ADAMTSL1: variants seen among roughly 807,000 people sequenced by gnomAD.
ADAMTSL1 encodes the protein ADAMTS like 1.
Under a neutral mutation model 201.8 loss-of-function variants are expected in ADAMTSL1, and 126 were observed. The ratio of observed to expected loss-of-function variants is 0.62; its 90% confidence interval spans 0.54 to 0.72. ADAMTSL1 has a LOEUF of 0.72. Ranked by LOEUF, ADAMTSL1 falls within the 30% of genes least tolerant of loss-of-function variation. The pLI is 0.00. For missense variants in ADAMTSL1, 2,679 were observed against 2,277.8 expected (o/e 1.18, Z -3.59); for synonymous variants, 1,121 against 903.4 (o/e 1.24, Z -4.32).
chr9:18,620,942 G>T (rs1216161496), intron 4 of ADAMTSL1, among the ~76,000 whole-genome samples: 1 of 152,108 alleles, frequency 6.6e-6, no homozygotes, highest in Non-Finnish European at 1.5e-5. Context: ...AAATAATTAT[G>T]TTTTTAAACC....
At chr9:18,699,254 A>C (rs529460551) in intron 13 of ADAMTSL1, among the ~76,000 whole-genome samples, 1 of 151,998 alleles carries the variant, frequency 6.6e-6, no homozygotes, top group South Asian at 2.1e-4. Context: ...CATGAGAAAA[A>C]GTCTGTTTGT....
chr9:18,249,278 A>C (rs887761012), intron 2 of ADAMTSL1, among the ~76,000 whole-genome samples: 1 of 152,234 alleles, frequency 6.6e-6, no homozygotes, highest in African/African-American at 2.4e-5. Context: ...TGCACATTCT[A>C]GACGTGTCAA....
chr9:17,977,317 A>T (rs745502916), intron 1 of ADAMTSL1, among the ~76,000 whole-genome samples: 1 of 152,116 alleles, frequency 6.6e-6, no homozygotes, highest in African/African-American at 2.4e-5. Flanking sequence ...TAGCTTTGGT[A>T]TCAGAGCAAT....
chr9:18,617,392 A>G (rs1006942891), intron 4 of ADAMTSL1, among the ~76,000 whole-genome samples: 1 of 152,072 alleles, frequency 6.6e-6, no homozygotes, highest in African/African-American at 2.4e-5. Flanking sequence ...TGTAAAGTGA[A>G]GGAAGAAACC....
intron 1 of ADAMTSL1, among the ~76,000 whole-genome samples, chr9:18,028,879 C>T (rs1325162162): frequency 1.3e-5 from 2 of 152,130 alleles, no homozygotes; most frequent in Non-Finnish European, 2.9e-5. Flanking sequence ...GATATTGATT[C>T]TTCCTACCCA....
chr9:18,361,229 A>C (rs140586415), intron 2 of ADAMTSL1, among the ~76,000 whole-genome samples: 1 of 152,346 alleles, frequency 6.6e-6, no homozygotes, highest in East Asian at 1.9e-4. Flanking sequence ...GTATTTTTCG[A>C]TTATAAGGAG....
intron 7 of ADAMTSL1, among the ~76,000 whole-genome samples, chr9:18,643,550 A>T (rs1294347959): frequency 6.6e-6 from 1 of 152,094 alleles, no homozygotes; most frequent in Non-Finnish European, 1.5e-5. Context: ...CAGGTCTTAC[A>T]CTTAAGTCTT....
chr9:17,948,425 C>T (rs1018464179), intron 1 of ADAMTSL1, among the ~76,000 whole-genome samples: 2 of 152,164 alleles, frequency 1.3e-5, no homozygotes, highest in Non-Finnish European at 2.9e-5. Flanking sequence ...GTTTGGGGAG[C>T]AGCTTAGAAT....
chr9:18,077,083 G>A (rs1188606597), intron 1 of ADAMTSL1, among the ~76,000 whole-genome samples: 1 of 152,092 alleles, frequency 6.6e-6, no homozygotes, highest in East Asian at 1.9e-4. Context: ...AGCAGTCTGG[G>A]AGGAGGAGGA....
At chr9:18,316,414 G>A (rs1391556459) in intron 2 of ADAMTSL1, among the ~76,000 whole-genome samples, 6 of 152,020 alleles carry the variant, frequency 3.9e-5, no homozygotes, top group Non-Finnish European at 5.9e-5. Flanking sequence ...CATAAGAGAC[G>A]GGCACACCTG....
intron 25 of ADAMTSL1, 63 bp downstream of exon 25, chr9:18,889,811 A>G: frequency 7.2e-7 from 1 of 1,392,650 alleles, no homozygotes; most frequent in Non-Finnish European, 9.3e-7. Flanking sequence ...CTGTTAGCGA[A>G]GTCAGTGGCC....
chr9:18,679,449 C>G (rs537034163), intron 10 of ADAMTSL1, among the ~76,000 whole-genome samples: 7 of 152,174 alleles, frequency 4.6e-5, no homozygotes, highest in East Asian at 1.9e-4. Flanking sequence ...AAAGATATCT[C>G]TCTGCATCTG....
chr9:18,683,179 A>G (rs1371625929), intron 12 of ADAMTSL1, among the ~76,000 whole-genome samples: 2 of 152,016 alleles, frequency 1.3e-5, no homozygotes, highest in South Asian at 2.1e-4. Flanking sequence ...ATTGAAAGAC[A>G]GAGAGCTAAC....
intron 9 of ADAMTSL1, among the ~76,000 whole-genome samples, chr9:18,674,895 C>A (rs573896202): frequency 3.4e-4 from 52 of 152,250 alleles, no homozygotes; most frequent in Admixed American, 1.4e-3. Flanking sequence ...TTATCCAAAA[C>A]CCATGAATCA....
chr9:17,968,751 C>T (rs780436267), intron 1 of ADAMTSL1, among the ~76,000 whole-genome samples: 39 of 152,104 alleles, frequency 2.6e-4, no homozygotes, highest in Non-Finnish European at 5.3e-4. Context: ...AGTATCTATG[C>T]ATGAATTTTG....
At chr9:18,330,086 G>C (rs952069227) in intron 2 of ADAMTSL1, among the ~76,000 whole-genome samples, 6 of 152,104 alleles carry the variant, frequency 3.9e-5, no homozygotes, top group African/African-American at 1.4e-4. Context: ...TAAAGTTCCC[G>C]ATTTTAAATG....
chr9:18,775,962 G>A lies in ADAMTSL1; in HGVS notation c.2551+66G>A, dbSNP rs189747330. 1.2e-4 allele frequency: 181 copies of A among 1,540,258 alleles called. 1 individual carries two copies. In the Admixed American group the frequency reaches 3.1e-3, roughly 26 times the overall value. Reference sequence around the variant, plus strand: ...ACACAGCAGCAGCTATAGCCACCACGCCGTGGCCTTCCCTAAACTCAAGAC... The same window carrying A: ...ACACAGCAGCAGCTATAGCCACCACACCGTGGCCTTCCCTAAACTCAAGAC... On this transcript the variant is annotated intron_variant, in intron 18 of 28. Coordinates refer to ENST00000380548, the MANE Select transcript of ADAMTSL1 (RefSeq NM_001040272.6).
chr9:18,739,420 A>C (rs186416439), intron 15 of ADAMTSL1, among the ~76,000 whole-genome samples: 2 of 152,232 alleles, frequency 1.3e-5, no homozygotes. Context: ...AAGTGTGTTT[A>C]AAAATAGTGT....
intron 2 of ADAMTSL1, among the ~76,000 whole-genome samples, chr9:18,296,990 C>A (rs920558459): frequency 4.6e-5 from 7 of 152,202 alleles, no homozygotes; most frequent in African/African-American, 1.7e-4. Context: ...TGGCCACCAC[C>A]ACCACCTCCA....
Sources: allele counts gnomAD v4.1 joint callset (sites outside exome capture counted in the v4.1 genomes callset), GRCh38; gene constraint gnomAD v4.1.1; transcripts MANE v1.5; gene names NCBI Gene and HGNC (gene_info 2026-07-23, HGNC 2026-07-21).